NTM: variants seen among roughly 807,000 people sequenced by gnomAD.
The protein encoded by NTM is neurotrimin, also known as IgLON family member 2.
Under a neutral mutation model 42.1 loss-of-function variants are expected in NTM, and 13 were observed. That is an observed-to-expected ratio of 0.31 (90% CI 0.20 to 0.49). The LOEUF (loss-of-function observed/expected upper bound fraction) is 0.49, where lower values mean the gene tolerates loss of function less well. Ranked by LOEUF, NTM falls within the 20% of genes least tolerant of loss-of-function variation. The pLI, the probability that NTM is intolerant of heterozygous loss-of-function variation, is 0.99. For missense variants in NTM, 373 were observed against 452.8 expected (o/e 0.82, Z 1.60); for synonymous variants, 187 against 179.2 (o/e 1.04, Z -0.35).
intron 2 of NTM, among the ~76,000 whole-genome samples, chr11:132,095,557 C>T (rs2060870426): frequency 1.3e-5 from 2 of 152,150 alleles, no homozygotes; most frequent in African/African-American, 4.8e-5. Flanking sequence ...ACACAGAAGA[C>T]CAGAACTAAA....
chr11:131,989,286 A>G (rs578059751), intron 2 of NTM, among the ~76,000 whole-genome samples: 2 of 152,320 alleles, frequency 1.3e-5, no homozygotes, highest in Admixed American at 1.3e-4. Flanking sequence ...AGCAATTTTT[A>G]ATTTATAAAA....
At chr11:131,726,276 T>G (rs1656052430) in intron 1 of NTM, among the ~76,000 whole-genome samples, 1 of 152,180 alleles carries the variant, frequency 6.6e-6, no homozygotes, top group Admixed American at 6.5e-5. Flanking sequence ...CTAGCCTCCC[T>G]ATGCACCTTT....
intron 1 of NTM, among the ~76,000 whole-genome samples, chr11:131,563,774 TA>T (rs2056533021): frequency 6.6e-6 from 1 of 152,166 alleles, no homozygotes; most frequent in Admixed American, 6.5e-5. Flanking sequence ...TTTATGGTGA[TA>T]AAAATAGTGC....
intron 7 of NTM, among the ~76,000 whole-genome samples, chr11:132,318,300 G>C (rs1027214731): frequency 7.2e-5 from 11 of 152,084 alleles, no homozygotes; most frequent in African/African-American, 2.7e-4. Flanking sequence ...CAATACAGTT[G>C]ATCTACCTTA....
chr11:132,192,941 A>G (rs922577085), intron 3 of NTM, among the ~76,000 whole-genome samples: 1 of 152,240 alleles, frequency 6.6e-6, no homozygotes, highest in Admixed American at 6.5e-5. Flanking sequence ...TCAATTCAAC[A>G]AGAAAACTTA....
chr11:131,964,020 T>C (rs976981982), intron 2 of NTM, among the ~76,000 whole-genome samples: 1 of 152,138 alleles, frequency 6.6e-6, no homozygotes, highest in Middle Eastern at 3.2e-3. Flanking sequence ...TCTAGTGGAA[T>C]TACCACACAG....
At chr11:131,751,160 G>A (rs2082452789) in intron 1 of NTM, among the ~76,000 whole-genome samples, 1 of 152,138 alleles carries the variant, frequency 6.6e-6, no homozygotes, top group Non-Finnish European at 1.5e-5. Context: ...TATGGGCCAG[G>A]CAAGGTGGCT....
intron 1 of NTM, among the ~76,000 whole-genome samples, chr11:131,583,281 C>T (rs2137203384): frequency 6.6e-6 from 1 of 152,278 alleles, no homozygotes; most frequent in South Asian, 2.1e-4. Flanking sequence ...AAATCCGTAG[C>T]CTCATAGCAG....
chr11:131,452,107 G>A (rs933465676), intron 1 of NTM, among the ~76,000 whole-genome samples: 2 of 152,320 alleles, frequency 1.3e-5, no homozygotes, highest in African/African-American at 2.4e-5. Flanking sequence ...CAGCTTCCTC[G>A]AAAAGAAGTG....
intron 1 of NTM, among the ~76,000 whole-genome samples, chr11:131,629,240 A>AT (rs34086689): frequency 6.3e-4 from 95 of 151,042 alleles, no homozygotes; most frequent in Middle Eastern, 6.9e-3. Flanking sequence ...TACATTAAAG[A>AT]TTTTTTTTTT....
chr11:131,504,807 C>T (rs923752415), intron 1 of NTM, among the ~76,000 whole-genome samples: 1 of 152,088 alleles, frequency 6.6e-6, no homozygotes, highest in African/African-American at 2.4e-5. Flanking sequence ...AGCCGTCCAC[C>T]CCCTCCACTC....
chr11:131,614,463 C>T (rs918614197), intron 1 of NTM, among the ~76,000 whole-genome samples: 1 of 152,194 alleles, frequency 6.6e-6, no homozygotes, highest in African/African-American at 2.4e-5. Flanking sequence ...AGCTCTTATT[C>T]TTCCCAAAGG....
chr11:131,619,120 T>C (rs147557335), intron 1 of NTM, among the ~76,000 whole-genome samples: 1 of 152,150 alleles, frequency 6.6e-6, no homozygotes, highest in Non-Finnish European at 1.5e-5. Flanking sequence ...TGAGATGCAG[T>C]AGCACTCCAC....
At chr11:131,769,578 A>G (rs1243327278) in intron 1 of NTM, 2 of 981,220 alleles carry the variant, frequency 2.0e-6, no homozygotes. Flanking sequence ...CTCATTAATC[A>G]CAGACATTTG....
intron 1 of NTM, among the ~76,000 whole-genome samples, chr11:131,493,148 G>A (rs1425169569): frequency 6.6e-6 from 1 of 152,060 alleles, no homozygotes; most frequent in Non-Finnish European, 1.5e-5. Flanking sequence ...TCAAGTGGGA[G>A]GATCACCTGA....
At chr11:131,879,384 T>C (rs1037386511) in intron 1 of NTM, among the ~76,000 whole-genome samples, 1 of 152,176 alleles carries the variant, frequency 6.6e-6, no homozygotes, top group Non-Finnish European at 1.5e-5. Context: ...ATTTTTCCAC[T>C]GTATGGACAA....
chr11:131,600,659 C>A (rs541462645), intron 1 of NTM, among the ~76,000 whole-genome samples: 1 of 152,162 alleles, frequency 6.6e-6, no homozygotes, highest in African/African-American at 2.4e-5. Flanking sequence ...ATCCTGCCTA[C>A]GTTTAGCAGG....
rs78897212 is a variant in NTM at position 131,777,102 on chromosome 11, A to C, written c.83-134462A>C. 0.015 allele frequency: 13,801 copies of C among 948,498 alleles called. 1,544 individuals are homozygous for C. In the African/African-American group the frequency reaches 0.23, roughly 16 times the overall value. 58.8% of individuals were successfully genotyped at this position (948,498 alleles called of 1,614,324 possible). A position where few individuals can be genotyped will look rare whatever the true frequency, so the allele number is the denominator to read the frequency against. ...GTGTTGGAAGAAATTATTGATTTCT[A>C]TTATTGAAGGAAGTACTCAGTGTAT... On this transcript the variant is annotated intron_variant, in intron 1 of 8. Coordinates refer to ENST00000683400, the MANE Select transcript of NTM (RefSeq NM_001352005.2).
At chr11:132,244,442 T>C (rs2090735722) in intron 4 of NTM, among the ~76,000 whole-genome samples, 1 of 152,218 alleles carries the variant, frequency 6.6e-6, no homozygotes, top group South Asian at 2.1e-4. Context: ...ACAGACTGAT[T>C]CATCAATTCT....
Sources: allele counts gnomAD v4.1 joint callset (sites outside exome capture counted in the v4.1 genomes callset), GRCh38; gene constraint gnomAD v4.1.1; transcripts MANE v1.5; gene names NCBI Gene and HGNC (gene_info 2026-07-23, HGNC 2026-07-21).